Variants in MPPED2 observed in about 807,000 individuals in gnomAD.
MPPED2 encodes the protein metallophosphoesterase domain containing 2, also known as metallophosphoesterase MPPED2.
In MPPED2, 5 loss-of-function variants were observed where a neutral mutation model predicts 33.0. The observed-to-expected ratio is 0.15, with a 90% CI of 0.08 to 0.32. MPPED2 has a LOEUF of 0.32. MPPED2 is among the 10% of genes least tolerant of loss of function. MPPED2 has a pLI of 1.00. For missense variants in MPPED2, 275 were observed against 372.1 expected, an observed-to-expected ratio of 0.74 and a Z score of 2.15; for synonymous variants, 136 against 141.9, an observed-to-expected ratio of 0.96 and a Z score of 0.29.
intron 4 of MPPED2, among the ~76,000 whole-genome samples, chr11:30,483,563 C>T (rs1464244552): frequency 1.3e-5 from 2 of 152,264 alleles, no homozygotes; most frequent in East Asian, 3.9e-4. Flanking sequence ...TCAATAATTT[C>T]TGATTAGGTT....
downstream of MPPED2, chr11:30,410,128 T>C (rs2133723420): frequency 1.0e-6 from 1 of 985,340 alleles, no homozygotes; most frequent in African/African-American, 1.7e-5. Flanking sequence ...TTCTAATTCT[T>C]CTGAAAGGCA....
intron 4 of MPPED2, among the ~76,000 whole-genome samples, chr11:30,480,599 A>T (rs914911626): frequency 6.6e-6 from 1 of 152,132 alleles, no homozygotes. Context: ...GACAAATTTA[A>T]TTTGGAGTTT....
chr11:30,442,019 TCTGGCTCATAGTAAAA>T (rs1341905149), intron 4 of MPPED2, among the ~76,000 whole-genome samples: 2 of 152,226 alleles, frequency 1.3e-5, no homozygotes, highest in African/African-American at 4.8e-5. Context: ...TTTGTTGATC[TCTGGCTCATAGTAAAA>T]CTGGCTCAGA....
intron 4 of MPPED2, among the ~76,000 whole-genome samples, chr11:30,448,167 C>T (rs1319793768): frequency 1.3e-5 from 2 of 152,108 alleles, no homozygotes; most frequent in Non-Finnish European, 2.9e-5. Flanking sequence ...CATCATTTTC[C>T]TAAGAGGGGA....
rs199598119 is a variant in MPPED2, at chr11:30,535,947, G to A, written c.310+47C>T. The A allele has an allele frequency of 1.3e-4, 194 of 1,497,908 alleles. No homozygotes were observed. The African/African-American group carries it at 2.3e-3, about 17-fold the overall frequency. 92.8% of individuals were successfully genotyped at this position (1,497,908 alleles called of 1,614,324 possible). The stretch of plus-strand genomic sequence containing the variant: ...AATTAGGACGCAGTGAGTGACACTC[G>A]GACGGGAAAGGTTAATTGGGGCCGC... On this transcript the variant is annotated intron_variant, in intron 3 of 6. Transcript: ENST00000358117.
chr11:30,550,555 C>T (rs771878589), intron 2 of MPPED2, among the ~76,000 whole-genome samples: 2 of 152,170 alleles, frequency 1.3e-5, no homozygotes, highest in African/African-American at 2.4e-5. Flanking sequence ...TTTAAAAGCA[C>T]TTGGCCTGAA....
chr11:30,420,419 C>A (rs919874774), intron 4 of MPPED2, among the ~76,000 whole-genome samples: 6 of 152,196 alleles, frequency 3.9e-5, no homozygotes, highest in African/African-American at 1.4e-4. Flanking sequence ...TCCAGTGAGA[C>A]CCATGTCAGA....
chr11:30,479,020 C>A (rs1365371251), intron 4 of MPPED2, among the ~76,000 whole-genome samples: 1 of 152,098 alleles, frequency 6.6e-6, no homozygotes, highest in Non-Finnish European at 1.5e-5. Flanking sequence ...CTTCAGCTTG[C>A]ATGCCTAAAA....
chr11:30,561,307 G>A (rs1443156069), intron 2 of MPPED2, among the ~76,000 whole-genome samples: 4 of 152,154 alleles, frequency 2.6e-5, no homozygotes, highest in African/African-American at 9.7e-5. Context: ...CAGAGCCACT[G>A]TTTTTAATCA....
chr11:30,498,305 C>A, intron 3 of MPPED2, among the ~76,000 whole-genome samples: 1 of 152,044 alleles, frequency 6.6e-6, no homozygotes, highest in Admixed American at 6.6e-5. Flanking sequence ...ACTCTACCAG[C>A]CGGGCACGGT....
intron 1 of MPPED2, among the ~76,000 whole-genome samples, chr11:30,583,522 A>AT (rs2134955963): frequency 6.6e-6 from 1 of 152,256 alleles, no homozygotes; most frequent in East Asian, 1.9e-4. Flanking sequence ...TGCTAGTTTG[A>AT]TTTTTCTCTT....
intron 5 of MPPED2, among the ~76,000 whole-genome samples, chr11:30,417,233 T>C (rs1948407360): frequency 6.6e-6 from 1 of 152,066 alleles, no homozygotes; most frequent in Admixed American, 6.6e-5. Context: ...TGAATACAGT[T>C]CTTAAAATAA....
At chr11:30,409,895 C>A (rs1353641492), downstream of MPPED2, among the ~76,000 whole-genome samples, 1 of 152,104 alleles carries the variant, frequency 6.6e-6, no homozygotes, top group Non-Finnish European at 1.5e-5. Flanking sequence ...TCAACGGTTT[C>A]CCCAAACTCA....
At chr11:30,399,709 A>G (rs2133706303) in intron 6 of MPPED2, among the ~76,000 whole-genome samples, 1 of 152,336 alleles carries the variant, frequency 6.6e-6, no homozygotes, top group South Asian at 2.1e-4. Context: ...AATAGGTTGA[A>G]TTACCAGCTA....
At chr11:30,400,824 A>T (rs947507058) in intron 6 of MPPED2, among the ~76,000 whole-genome samples, 1 of 151,950 alleles carries the variant, frequency 6.6e-6, no homozygotes, top group Non-Finnish European at 1.5e-5. Context: ...GCAGTGGCAC[A>T]ATCATGGCTC....
chr11:30,569,752 T>C lies in MPPED2; in HGVS notation c.128+10494A>G, dbSNP rs570100126. Among the ~76,000 whole-genome samples, 3 of 152,272 alleles carry C rather than the reference T, an allele frequency of 2.0e-5. No homozygotes were observed. In the South Asian group the frequency reaches 6.2e-4, roughly 32 times the overall value. ...AATCATTCCTTCTCAGAGATCAACA[T>C]AGGTCAAAGTATCAAAAGTTGCTAT... On this transcript the variant is annotated intron_variant, in intron 2 of 6. Transcript: ENST00000358117.
intron 6 of MPPED2, among the ~76,000 whole-genome samples, chr11:30,412,028 G>A (rs780845396): frequency 6.6e-6 from 1 of 151,762 alleles, no homozygotes; most frequent in Admixed American, 6.6e-5. Flanking sequence ...AGGGGGGAAA[G>A]GATACTGCAT....
In MPPED2 at chr11:30,586,290, G is replaced by C. The variant is rs1343884229; in HGVS notation, c.-370C>G. The stretch of plus-strand genomic sequence containing the variant: ...AGCAGCCTCGATCTGGGGAGAGAGC[G>C]AGCGAGGGGGCGAGGAGAGGGAGCG... On this transcript the variant is annotated 5_prime_UTR_variant, in exon 1 of 7. Transcript: ENST00000358117. The surrounding 1 kb of genome is among the most constrained non-coding windows in gnomAD (Gnocchi z 4.8). 1 of 153,656 alleles carries C rather than the reference G, an allele frequency of 6.5e-6. No homozygotes were observed. Among genetic ancestry groups the C allele is most frequent in the Non-Finnish European group, 1.4e-5 (1 of 69,346 alleles). The allele number at this position is 153,656 out of a possible 1,614,324, so 9.5% of individuals were successfully genotyped here. A position where few individuals can be genotyped will look rare whatever the true frequency, so the allele number is the denominator to read the frequency against.
At chr11:30,563,553 AT>A (rs1283021730) in intron 2 of MPPED2, among the ~76,000 whole-genome samples, 2 of 152,088 alleles carry the variant, frequency 1.3e-5, no homozygotes, top group African/African-American at 4.8e-5. Context: ...GTGACAGGAG[AT>A]AGTAGGGGCA....
Sources: gnomAD v4.1 joint callset for allele counts (sites outside exome capture counted in the v4.1 genomes callset) on GRCh38, gnomAD v4.1.1 for gene constraint, Gnocchi (gnomAD v3.1) non-coding constraint, MANE v1.5 for transcripts, NCBI Gene and HGNC (gene_info 2026-07-23, HGNC 2026-07-21) for gene names.